TAOK3: variants seen among roughly 807,000 people sequenced by gnomAD.
TAOK3 encodes TAO kinase 3, also known as serine/threonine-protein kinase TAO3.
Under a neutral mutation model 120.4 loss-of-function variants are expected in TAOK3, and 40 were observed. The ratio of observed to expected loss-of-function variants is 0.33; its 90% confidence interval spans 0.26 to 0.43. The LOEUF (loss-of-function observed/expected upper bound fraction) is 0.43. Among genes scored for constraint, TAOK3 ranks in the 20% least tolerant of loss-of-function variants. The pLI is 1.00. For missense variants in TAOK3, 821 were observed against 1,112.1 expected, an observed-to-expected ratio of 0.74 and a Z score of 3.72; for synonymous variants, 355 against 387.5, an observed-to-expected ratio of 0.92 and a Z score of 0.99.
intron 1 of TAOK3, among the ~76,000 whole-genome samples, chr12:118,341,482 T>C (rs1471888385): frequency 6.6e-6 from 1 of 152,140 alleles, no homozygotes; most frequent in Non-Finnish European, 1.5e-5. Context: ...CAATGCATTT[T>C]AAAAATTAAA....
chr12:118,181,679 G>A lies in TAOK3; in HGVS notation c.1330-72C>T, dbSNP rs2036732213. 1.9e-5 allele frequency: 24 copies of A among 1,291,712 alleles called. No homozygotes were observed. In the South Asian group the frequency reaches 2.7e-4, roughly 15 times the overall value. The allele number at this position is 1,291,712 out of a possible 1,614,324, so 80.0% of individuals were successfully genotyped here. A position where few individuals can be genotyped will look rare whatever the true frequency, so the allele number is the denominator to read the frequency against. ...GACAAGCTTTCATGCAAAGTAGAAC[G>A]GCCCTGTGGCATAATTTTATCCATC... On this transcript the variant is annotated intron_variant, in intron 14 of 20. Coordinates refer to ENST00000392533, the MANE Select transcript of TAOK3 (RefSeq NM_016281.4).
chr12:118,274,289 C>G (rs1387451783), intron 1 of TAOK3, among the ~76,000 whole-genome samples: 1 of 152,110 alleles, frequency 6.6e-6, no homozygotes, highest in East Asian at 1.9e-4. Flanking sequence ...CACTATGGTT[C>G]TATAGCCCAA....
At chr12:118,370,308 T>C (rs2045861856) in intron 1 of TAOK3, among the ~76,000 whole-genome samples, 1 of 152,216 alleles carries the variant, frequency 6.6e-6, no homozygotes, top group Admixed American at 6.5e-5. Flanking sequence ...CTGATAAAAA[T>C]AACTTCAGTA....
At chr12:118,230,197 C>T (rs994166474) in intron 9 of TAOK3, among the ~76,000 whole-genome samples, 9 of 152,044 alleles carry the variant, frequency 5.9e-5, no homozygotes, top group Non-Finnish European at 1.0e-4. Flanking sequence ...ATAATTAACA[C>T]ATTTCTCAGT....
intron 14 of TAOK3, among the ~76,000 whole-genome samples, chr12:118,183,559 C>T (rs1294192858): frequency 6.6e-6 from 1 of 151,846 alleles, no homozygotes; most frequent in Non-Finnish European, 1.5e-5. Flanking sequence ...TTTTAATGGA[C>T]ATAATTCAAG....
At position 118,164,060 on chromosome 12, in the gene TAOK3, C is replaced by T. The variant is rs1024651835; in HGVS notation, c.1900-2033G>A. Reference sequence around the variant, plus strand: ...TCAAGGAGCCTGGGGCGGTGGCTCACGCCTGCAATCCCAGCACTTTGGGAG... The same window carrying T: ...TCAAGGAGCCTGGGGCGGTGGCTCATGCCTGCAATCCCAGCACTTTGGGAG... On this transcript the variant is annotated intron_variant, in intron 17 of 20. Coordinates refer to ENST00000392533, the MANE Select transcript of TAOK3 (RefSeq NM_016281.4). Among the ~76,000 whole-genome samples, 75 of 151,768 alleles carry T rather than the reference C, an allele frequency of 4.9e-4. 1 individual carries two copies. The highest frequency in any genetic ancestry group is 1.7e-3 in the African/African-American group (70 of 41,490).
At chr12:118,213,087 C>T in intron 10 of TAOK3, 92 bp from the exon 11 acceptor site, 1 of 740,350 alleles carries the variant, frequency 1.4e-6, no homozygotes, top group Non-Finnish European at 2.0e-6. Flanking sequence ...GAAAATTTTG[C>T]ATTTAAGGAG....
At chr12:118,366,886 T>TC (rs1207421026) in intron 1 of TAOK3, among the ~76,000 whole-genome samples, 1 of 152,112 alleles carries the variant, frequency 6.6e-6, no homozygotes, top group African/African-American at 2.4e-5. Context: ...GGCCAGCAGT[T>TC]CGAGACCAGC....
intron 1 of TAOK3, among the ~76,000 whole-genome samples, chr12:118,367,897 C>T (rs1350489639): frequency 6.6e-6 from 1 of 152,034 alleles, no homozygotes; most frequent in Non-Finnish European, 1.5e-5. Flanking sequence ...TTCATCTATT[C>T]CCCTATGCTA....
At chr12:118,189,718 G>T in intron 14 of TAOK3, 89 bp downstream of exon 14, 1 of 1,485,956 alleles carries the variant, frequency 6.7e-7, no homozygotes. Flanking sequence ...TCCCATCCAT[G>T]AAGCCGAGAC....
chr12:118,231,650 A>G (rs1308583294), intron 9 of TAOK3, among the ~76,000 whole-genome samples: 1 of 152,158 alleles, frequency 6.6e-6, no homozygotes, highest in African/African-American at 2.4e-5. Context: ...TAGGCCAGGC[A>G]CAGTGGCTCA....
rs761134529 is a variant in TAOK3 at position 118,151,278 on chromosome 12, TGCGCGC to T, written c.2536-126_2536-121del. On this transcript the variant is annotated intron_variant, in intron 20 of 20. Coordinates refer to ENST00000392533, the MANE Select transcript of TAOK3 (RefSeq NM_016281.4). The stretch of plus-strand genomic sequence containing the variant: ...CACACACATAGGCACACACATGAAG[TGCGCGC>T]GCGCGCACACACACACACACACACA... The T allele has an allele frequency of 2.9e-3, 1,817 of 631,682 alleles. 13 individuals carry two copies. In the African/African-American group the frequency reaches 0.032, roughly 11 times the overall value. 39.1% of individuals were successfully genotyped at this position (631,682 alleles called of 1,614,324 possible). A position where few individuals can be genotyped will look rare whatever the true frequency, so the allele number is the denominator to read the frequency against.
intron 9 of TAOK3, among the ~76,000 whole-genome samples, chr12:118,228,741 G>A (rs976091134): frequency 4.6e-5 from 7 of 152,082 alleles, no homozygotes; most frequent in African/African-American, 7.2e-5. Flanking sequence ...GTATGCATAC[G>A]GAGTTCTTCC....
rs2036248623 is a variant in TAOK3 at position 118,175,253 on chromosome 12, C to G, written c.1695+1948G>C. ...CAAAAAATCCCTAGGCCCACCCCAA[C>G]CCCCTTGGTTTCACTTCCTAACTAA... On this transcript the variant is annotated intron_variant, in intron 16 of 20. Transcript: ENST00000392533. 7.2e-5 allele frequency among the ~76,000 whole-genome samples: 11 copies of G among 152,310 alleles called. No individual in the cohort carries two copies. The South Asian group carries it at 2.3e-3, about 32-fold the overall frequency.
At chr12:118,310,807 T>C (rs1195288612) in intron 1 of TAOK3, among the ~76,000 whole-genome samples, 2 of 152,200 alleles carry the variant, frequency 1.3e-5, no homozygotes, top group African/African-American at 4.8e-5. Flanking sequence ...GGAGGTCAAA[T>C]GGAGTCAAGA....
chr12:118,222,246 A>G (rs1448614673), intron 9 of TAOK3, among the ~76,000 whole-genome samples: 1 of 152,184 alleles, frequency 6.6e-6, no homozygotes, highest in East Asian at 1.9e-4. Context: ...AATAAAGAAA[A>G]TGTGGTGGCC....
intron 20 of TAOK3, 50 bp downstream of exon 20, chr12:118,152,177 C>A: frequency 6.4e-7 from 1 of 1,566,838 alleles, no homozygotes; most frequent in Non-Finnish European, 8.7e-7. Context: ...TTCCCTCAGC[C>A]ACGCCCCCTT....
At chr12:118,355,196 T>A (rs1593678092) in intron 1 of TAOK3, among the ~76,000 whole-genome samples, 1 of 152,340 alleles carries the variant, frequency 6.6e-6, no homozygotes, top group East Asian at 1.9e-4. Flanking sequence ...GGGACTATTG[T>A]ATTCAAATAT....
At chr12:118,363,792 C>G (rs1323632207) in intron 1 of TAOK3, among the ~76,000 whole-genome samples, 1 of 151,772 alleles carries the variant, frequency 6.6e-6, no homozygotes, top group East Asian at 1.9e-4. Context: ...CAGACAGACA[C>G]ACAGACACAC....
Sources: allele counts gnomAD v4.1 joint callset (sites outside exome capture counted in the v4.1 genomes callset), GRCh38; gene constraint gnomAD v4.1.1; transcripts MANE v1.5; gene names NCBI Gene and HGNC (gene_info 2026-07-23, HGNC 2026-07-21).